PAK4: variants seen among roughly 807,000 people sequenced by gnomAD.
PAK4 encodes serine/threonine-protein kinase PAK 4.
In PAK4, 49 loss-of-function variants were observed where a neutral mutation model predicts 53.5. That is an observed-to-expected ratio of 0.92 (90% CI 0.73 to 1.16). The LOEUF (loss-of-function observed/expected upper bound fraction) is 1.16. Among genes scored for constraint, PAK4 ranks in the 50% most tolerant of loss-of-function variants. The pLI, the probability that PAK4 is intolerant of heterozygous loss-of-function variation, is 0.00. For missense variants in PAK4, 824 were observed against 850.7 expected, an observed-to-expected ratio of 0.97 and a Z score of 0.39; for synonymous variants, 376 against 375.6, an observed-to-expected ratio of 1.00 and a Z score of -0.01.
At chr19:39,145,898 G>A (rs2073991611) in intron 1 of PAK4, among the ~76,000 whole-genome samples, 2 of 151,464 alleles carry the variant, frequency 1.3e-5, no homozygotes, top group African/African-American at 4.9e-5. Flanking sequence ...ATATCTAGCT[G>A]ACCTGGGATT....
chr19:39,152,279 A>T (rs2074105446), intron 1 of PAK4: 2 of 152,078 alleles, frequency 1.3e-5, no homozygotes, highest in African/African-American at 4.8e-5. Context: ...CCGGGACGTG[A>T]ATCACCTTTC....
At chr19:39,174,144 C>A in intron 4 of PAK4, 134 bp downstream of exon 5, 2 of 654,002 alleles carry the variant, frequency 3.1e-6, no homozygotes, top group Non-Finnish European at 5.3e-6. Flanking sequence ...TCTTCTCCCT[C>A]CCCAGGCCGT....
intron 1 of PAK4, among the ~76,000 whole-genome samples, chr19:39,144,454 C>T (rs533793252): frequency 2.6e-5 from 4 of 152,314 alleles, no homozygotes; most frequent in Admixed American, 6.5e-5. Context: ...CCGTCCCTGC[C>T]GGGGGGATGC....
chr19:39,135,798 C>T (rs1175163966), intron 1 of PAK4, among the ~76,000 whole-genome samples: 4 of 135,210 alleles, frequency 3.0e-5, no homozygotes, highest in African/African-American at 1.0e-4. Context: ...CCCCATCTTC[C>T]CACAGTGACC....
chr19:39,125,803 T>A (rs1313747502), exon 1 of PAK4: 1 of 153,592 alleles, frequency 6.5e-6, no homozygotes, highest in African/African-American at 2.4e-5. Flanking sequence ...CGTTGGGGAT[T>A]CAACATGGCG....
chr19:39,156,118 G>A (rs1235385530), intron 1 of PAK4, among the ~76,000 whole-genome samples: 2 of 152,182 alleles, frequency 1.3e-5, no homozygotes, highest in African/African-American at 2.4e-5. Context: ...CCCCTCCCCC[G>A]GTCAGGCTAA....
intron 1 of PAK4, among the ~76,000 whole-genome samples, chr19:39,164,277 CAAA>C (rs57848634): frequency 6.4e-5 from 5 of 77,742 alleles, no homozygotes; most frequent in East Asian, 6.5e-4. Flanking sequence ...AACTCTGTCT[CAAA>C]AAAAAAAAAA....
intron 1 of PAK4, among the ~76,000 whole-genome samples, chr19:39,154,045 G>A (rs1307142019): frequency 1.3e-5 from 2 of 152,156 alleles, no homozygotes; most frequent in African/African-American, 4.8e-5. Flanking sequence ...CGTCTTCTTT[G>A]ATGCTCATCC....
intron 2 of PAK4, 86 bp downstream of exon 3, chr19:39,169,843 C>T (rs889422146): frequency 7.0e-5 from 64 of 913,694 alleles, no homozygotes; most frequent in Non-Finnish European, 8.9e-5. Context: ...ACCCTGTGAC[C>T]GACACCTCCT....
intron 1 of PAK4, 21 bp from the exon 3 acceptor site, chr19:39,169,511 C>T (rs1179742594): frequency 1.9e-6 from 3 of 1,548,802 alleles, no homozygotes; most frequent in South Asian, 2.2e-5. Flanking sequence ...CTCACTCACC[C>T]ACCGTGATTC....
At chr19:39,154,036 G>A (rs74467335) in intron 1 of PAK4, among the ~76,000 whole-genome samples, 286 of 152,240 alleles carry the variant, frequency 1.9e-3, no homozygotes, top group Admixed American at 6.0e-3. Context: ...TCTGTGTGGC[G>A]TCTTCTTTGA....
rs547502858 is a variant in PAK4, at chr19:39,178,117, C to T, written c.1621-307C>T. On this transcript the variant is annotated intron_variant, in intron 8 of 8. Transcript: ENST00000358301. This position sits in a 1 kb window ranked among gnomAD's most constrained non-coding sequence, Gnocchi z 4.4. ...CGGGACCTTCCTAGTGGAGGACTTG[C>T]CAGGAGGGAAAGGGGCACCTCTGGG... 6.6e-6 allele frequency among the ~76,000 whole-genome samples: 1 copy of T among 152,234 alleles called. No homozygotes were observed. Among genetic ancestry groups the T allele is most frequent in the African/African-American group, 2.4e-5 (1 of 41,524 alleles).
chr19:39,173,491 T>A lies in PAK4; in HGVS notation c.664-85T>A. 7.4e-7 allele frequency: 1 copy of A among 1,352,120 alleles called. No individual in the cohort carries two copies. Among genetic ancestry groups the A allele is most frequent in the Non-Finnish European group, 1.0e-6 (1 of 992,794 alleles). 83.8% of individuals were successfully genotyped at this position (1,352,120 alleles called of 1,614,324 possible). On this transcript the variant is annotated intron_variant, in intron 3 of 8. Transcript: ENST00000358301. The surrounding 1 kb of genome is among the most constrained non-coding windows in gnomAD (Gnocchi z 6.9). ...CTCATCCTGACCACCCATGTGTCTG[T>A]CCCATCGCTGGGTCTCTCTCCTGCT...
downstream of PAK4, chr19:39,182,659 A>G (rs141115599): frequency 1.3e-5 from 2 of 151,866 alleles, no homozygotes; most frequent in Non-Finnish European, 2.9e-5. Context: ...CTCTACTAAA[A>G]ATAACAAAAA....
intron 2 of PAK4, among the ~76,000 whole-genome samples, chr19:39,170,262 TGAG>T (rs147686918): frequency 2.0e-5 from 3 of 151,508 alleles, no homozygotes; most frequent in Admixed American, 2.0e-4. Flanking sequence ...AGCCCAGGGC[TGAG>T]GAGGAGGAGG....
chr19:39,147,896 C>CT (rs1184922139), intron 1 of PAK4, among the ~76,000 whole-genome samples: 18 of 9,770 alleles, frequency 1.8e-3, no homozygotes, highest in South Asian at 2.7e-3. Flanking sequence ...CACTGTTGTT[C>CT]TTTTTTTTTT....
At position 39,126,459 on chromosome 19, in the gene PAK4, GGGC is replaced by G. The variant is rs1479120181; in HGVS notation, c.-23+541_-23+543del. On this transcript the variant is annotated intron_variant, in intron 1 of 8. Transcript: ENST00000358301. ...TTGCGGGGGACGGGGGGGGGGGGGG[GGGC>G]CGGGTCAGAGATGCTTCCTGGTGAC... 9.5e-5 allele frequency among the ~76,000 whole-genome samples: 11 copies of G among 115,472 alleles called. 1 individual carries two copies. The highest frequency in any genetic ancestry group is 9.9e-5 in the African/African-American group (3 of 30,410). 75.8% of individuals were successfully genotyped at this position (115,472 alleles called of 152,430 possible). A position where few individuals can be genotyped will look rare whatever the true frequency, so the allele number is the denominator to read the frequency against.
intron 1 of PAK4, among the ~76,000 whole-genome samples, chr19:39,158,040 GT>G (rs1253184209): frequency 1.3e-5 from 2 of 152,030 alleles, no homozygotes; most frequent in Admixed American, 1.3e-4. Flanking sequence ...GTGCATGTAT[GT>G]GAGCATGTAT....
rs756166501 is a variant in PAK4 at position 39,173,618 on chromosome 19, G to A, written c.706G>A (p.Gly236Ser). 15 of 1,541,486 alleles carry A rather than the reference G, an allele frequency of 9.7e-6. No homozygotes were observed. Among genetic ancestry groups the A allele is most frequent in the African/African-American group, 4.1e-5 (3 of 72,552 alleles). Reference sequence around the variant, plus strand: ...GGCCCCTAACGGGCCATCAGCGGGGGGCCTGGCCATCCCCCAGTCCTCCTC... The same window carrying A: ...GGCCCCTAACGGGCCATCAGCGGGGAGCCTGGCCATCCCCCAGTCCTCCTC... Residue 236 changes from glycine to serine, a missense_variant, in exon 4 of 9, where the codon GGC (glycine) becomes AGC (serine). Transcript: ENST00000358301. This position sits in a 1 kb window ranked among gnomAD's most constrained non-coding sequence, Gnocchi z 6.9.
Sources: allele counts gnomAD v4.1 joint callset (sites outside exome capture counted in the v4.1 genomes callset), GRCh38; gene constraint gnomAD v4.1.1; non-coding constraint Gnocchi (gnomAD v3.1); transcripts MANE v1.5; gene names NCBI Gene and HGNC (gene_info 2026-07-23, HGNC 2026-07-21).